Variants in MYO9A observed in about 807,000 individuals in gnomAD.
MYO9A encodes the protein myosin IXA, also known as unconventional myosin-IXa.
MYO9A carries 103 observed loss-of-function variants against 293.3 expected under a neutral mutation model. The observed-to-expected ratio is 0.35, with a 90% CI of 0.30 to 0.41. The LOEUF (loss-of-function observed/expected upper bound fraction) is 0.41. Among genes scored for constraint, MYO9A ranks in the 10% least tolerant of loss-of-function variants. The pLI is 1.00. For synonymous variants in MYO9A, 1,001 were observed against 1,035.7 expected (o/e 0.97, Z 0.64); for missense variants, 2,685 against 3,033.0 (o/e 0.89, Z 2.69).
At chr15:71,846,908 G>A (rs973398313) in intron 39 of MYO9A, among the ~76,000 whole-genome samples, 1 of 152,162 alleles carries the variant, frequency 6.6e-6, no homozygotes, top group African/African-American at 2.4e-5. Context: ...AGCTCTGTCT[G>A]ATAAATGCTA....
intron 1 of MYO9A, among the ~76,000 whole-genome samples, chr15:72,110,898 G>C (rs1327216460): frequency 6.6e-6 from 1 of 151,126 alleles, no homozygotes; most frequent in Non-Finnish European, 1.5e-5. Flanking sequence ...GGTGGCTCAC[G>C]CCTGTAATCC....
chr15:71,828,154 C>T (rs917191764), intron 40 of MYO9A, 128 bp from the exon 41 acceptor site: 4 of 1,082,162 alleles, frequency 3.7e-6, no homozygotes, highest in Non-Finnish European at 5.3e-6. Flanking sequence ...TGTCCCCATC[C>T]AGGTGGTGAT....
chr15:72,118,088 G>A lies in MYO9A; in HGVS notation c.-480C>T, dbSNP rs1353064334. 2 of 392,858 alleles carry A rather than the reference G, an allele frequency of 5.1e-6. No individual in the cohort carries two copies. The highest frequency in any genetic ancestry group is 4.2e-5 in the African/African-American group (2 of 48,178). 24.3% of individuals were successfully genotyped at this position (392,858 alleles called of 1,614,324 possible). On this transcript the variant is annotated 5_prime_UTR_variant, in exon 1 of 42. Transcript: ENST00000356056. ...TTATCCGCTTCGGTCGCGCGCCCCC[G>A]ACCCCGCGCACGCGGCCCCGCCCCG...
At chr15:72,016,085 G>A (rs2077329893) in intron 6 of MYO9A, among the ~76,000 whole-genome samples, 1 of 152,040 alleles carries the variant, frequency 6.6e-6, no homozygotes, top group Non-Finnish European at 1.5e-5. Flanking sequence ...CAAAGGCTGA[G>A]ATGTTAATAA....
At chr15:72,029,264 G>C (rs1016120573) in intron 3 of MYO9A, among the ~76,000 whole-genome samples, 6 of 152,152 alleles carry the variant, frequency 3.9e-5, no homozygotes, top group Admixed American at 3.3e-4. Flanking sequence ...AATTAGTTAC[G>C]TATCACTTAA....
intron 14 of MYO9A, 127 bp downstream of exon 14, chr15:71,959,774 T>A (rs2059283313): frequency 1.2e-6 from 1 of 807,924 alleles, no homozygotes; most frequent in Non-Finnish European, 1.9e-6. Flanking sequence ...CTAGATTGAC[T>A]ACAGAAGCAG....
At chr15:71,853,269 A>G (rs1015904697) in intron 35 of MYO9A, among the ~76,000 whole-genome samples, 2 of 152,240 alleles carry the variant, frequency 1.3e-5, no homozygotes, top group African/African-American at 2.4e-5. Flanking sequence ...CATACAGGAC[A>G]CTTTCTGAAA....
At chr15:71,956,698 G>A (rs117034107) in intron 14 of MYO9A, among the ~76,000 whole-genome samples, 3,566 of 149,958 alleles carry the variant, frequency 0.024, 85 homozygotes, top group Non-Finnish European at 0.034. Context: ...TTATATACAC[G>A]TAGCATATGT....
intron 1 of MYO9A, among the ~76,000 whole-genome samples, chr15:72,102,275 T>A (rs1011079892): frequency 2.7e-5 from 4 of 150,530 alleles, no homozygotes; most frequent in Non-Finnish European, 4.5e-5. Flanking sequence ...GTTAAACAGA[T>A]GCTTGAAGGC....
At chr15:72,008,950 T>C (rs1183290975) in intron 7 of MYO9A, among the ~76,000 whole-genome samples, 1 of 152,200 alleles carries the variant, frequency 6.6e-6, no homozygotes, top group Non-Finnish European at 1.5e-5. Context: ...TTTAGGAACC[T>C]GAGATATTAC....
chr15:71,964,233 G>C (rs2075814757), intron 13 of MYO9A, among the ~76,000 whole-genome samples: 1 of 152,046 alleles, frequency 6.6e-6, no homozygotes, highest in Admixed American at 6.6e-5. Flanking sequence ...TGGCTTAGTT[G>C]ATTTCTTTGT....
At chr15:71,916,248 A>T (rs2058008907) in intron 19 of MYO9A, 122 bp downstream of exon 19, 1 of 1,223,260 alleles carries the variant, frequency 8.2e-7, no homozygotes, top group African/African-American at 1.5e-5. Flanking sequence ...GATCAGTAAT[A>T]TATGGCTTTT....
intron 12 of MYO9A, 96 bp from the exon 13 acceptor site, chr15:71,968,221 G>C: frequency 1.9e-6 from 2 of 1,051,530 alleles, no homozygotes; most frequent in Non-Finnish European, 2.6e-6. Context: ...CAATTACATT[G>C]CCATCTTACA....
intron 28 of MYO9A, among the ~76,000 whole-genome samples, chr15:71,881,834 G>A (rs2056882414): frequency 2.0e-5 from 3 of 152,206 alleles, no homozygotes; most frequent in Non-Finnish European, 4.4e-5. Flanking sequence ...GAATATAATT[G>A]TGGGAAATAA....
At chr15:72,098,566 G>A (rs1339442736) in intron 1 of MYO9A, among the ~76,000 whole-genome samples, 2 of 151,990 alleles carry the variant, frequency 1.3e-5, no homozygotes, top group Non-Finnish European at 2.9e-5. Flanking sequence ...AATACTTCAT[G>A]GGAAAATGTA....
At chr15:71,829,635 C>G (rs2054636645) in intron 40 of MYO9A, among the ~76,000 whole-genome samples, 1 of 151,842 alleles carries the variant, frequency 6.6e-6, no homozygotes, top group African/African-American at 2.4e-5. Context: ...GGATCTTTGG[C>G]TAATAACCTT....
At chr15:71,933,446 C>T (rs539949493) in intron 18 of MYO9A, among the ~76,000 whole-genome samples, 21 of 152,152 alleles carry the variant, frequency 1.4e-4, no homozygotes, top group African/African-American at 3.6e-4. Flanking sequence ...GCTATTAAAA[C>T]GCTAGAAAAT....
chr15:71,905,498 G>C (rs938137687), intron 19 of MYO9A, among the ~76,000 whole-genome samples: 3 of 151,506 alleles, frequency 2.0e-5, no homozygotes, highest in Non-Finnish European at 4.4e-5. Context: ...TTTTTGATTT[G>C]CTCAGCCCAG....
chr15:71,856,388 G>GTTAACA (rs1285791205), intron 34 of MYO9A, among the ~76,000 whole-genome samples: 6 of 151,884 alleles, frequency 4.0e-5, no homozygotes, highest in Non-Finnish European at 7.4e-5. Context: ...TAACTATTAT[G>GTTAACA]GAAACACAGA....
Sources: allele counts gnomAD v4.1 joint callset (sites outside exome capture counted in the v4.1 genomes callset), GRCh38; gene constraint gnomAD v4.1.1; transcripts MANE v1.5; gene names NCBI Gene and HGNC (gene_info 2026-07-23, HGNC 2026-07-21).